SGCZ: variants seen among roughly 807,000 people sequenced by gnomAD.
SGCZ encodes the protein sarcoglycan zeta.
In SGCZ, 40 loss-of-function variants were observed where a neutral mutation model predicts 41.3. That is an observed-to-expected ratio of 0.97 (90% CI 0.75 to 1.26). The LOEUF is 1.26. Among genes scored for constraint, SGCZ ranks in the 50% most tolerant of loss-of-function variants. SGCZ has a pLI of 0.00. For missense variants in SGCZ, 552 were observed against 369.8 expected (o/e 1.49, Z -4.04); for synonymous variants, 206 against 137.5 (o/e 1.50, Z -3.49).
rs9918745 is a variant in SGCZ, at chr8:15,205,640, G to A, written c.39+31945C>T. On this transcript the variant is annotated intron_variant, in intron 1 of 7. Transcript: ENST00000382080. ...TGAGGCTGTGGAGAAAAGGGAACGC[G>A]TATACACTGATACACTGTTGGTGGG... 1.2e-4 allele frequency among the ~76,000 whole-genome samples: 18 copies of A among 152,076 alleles called. No homozygotes were observed. In the South Asian group the frequency reaches 1.2e-3, roughly 11 times the overall value.
At chr8:14,442,792 A>C (rs1246951704) in intron 2 of SGCZ, among the ~76,000 whole-genome samples, 1 of 152,168 alleles carries the variant, frequency 6.6e-6, no homozygotes, top group East Asian at 1.9e-4. Flanking sequence ...GCACAAACTA[A>C]ATTTGTTTTA....
chr8:14,553,666 C>A (rs825907), intron 2 of SGCZ, among the ~76,000 whole-genome samples: 151,802 of 152,106 alleles, frequency 1, 75,751 homozygotes, highest in Middle Eastern at 1. Flanking sequence ...ACATGGACGG[C>A]AGCTAGGGTC....
chr8:14,620,279 A>G (rs1354358504), intron 1 of SGCZ, among the ~76,000 whole-genome samples: 3 of 152,288 alleles, frequency 2.0e-5, no homozygotes, highest in East Asian at 3.9e-4. Context: ...ACCTTATACA[A>G]AAATTAATTC....
intron 3 of SGCZ, among the ~76,000 whole-genome samples, chr8:14,313,908 CTCTG>C (rs1205313769): frequency 6.8e-5 from 6 of 88,826 alleles, no homozygotes; most frequent in Middle Eastern, 6.0e-3. Flanking sequence ...TATATCATCT[CTCTG>C]TGTGTGTGTG....
chr8:14,522,118 G>A (rs935914007), intron 2 of SGCZ, among the ~76,000 whole-genome samples: 2 of 152,012 alleles, frequency 1.3e-5, no homozygotes, highest in Non-Finnish European at 2.9e-5. Flanking sequence ...AGAAACCTTA[G>A]TTGCTCATGG....
chr8:14,935,844 C>T (rs145940959), intron 1 of SGCZ, among the ~76,000 whole-genome samples: 2 of 151,626 alleles, frequency 1.3e-5, no homozygotes, highest in East Asian at 3.9e-4. Context: ...AGGGACCCTG[C>T]TAAATCAGAA....
intron 5 of SGCZ, among the ~76,000 whole-genome samples, chr8:14,119,003 C>T (rs1224068791): frequency 6.6e-6 from 1 of 152,132 alleles, no homozygotes; most frequent in African/African-American, 2.4e-5. Context: ...CATGATCCCT[C>T]CAGCTTTGTT....
At chr8:14,699,127 A>T (rs535543399) in intron 1 of SGCZ, among the ~76,000 whole-genome samples, 1 of 151,700 alleles carries the variant, frequency 6.6e-6, no homozygotes, top group East Asian at 1.9e-4. Flanking sequence ...ATTAAAGGAC[A>T]CTAAAACAGT....
At chr8:14,251,053 C>A (rs1799265987) in intron 3 of SGCZ, among the ~76,000 whole-genome samples, 1 of 152,082 alleles carries the variant, frequency 6.6e-6, no homozygotes, top group East Asian at 1.9e-4. Flanking sequence ...CATGGCGAAA[C>A]CCCGTCTCTA....
chr8:14,987,543 C>T (rs1327787189), intron 1 of SGCZ, among the ~76,000 whole-genome samples: 3 of 151,918 alleles, frequency 2.0e-5, no homozygotes, highest in African/African-American at 7.2e-5. Context: ...CCTGACTCTG[C>T]ACAGAAATCC....
chr8:14,676,370 A>G (rs866864850), intron 1 of SGCZ, among the ~76,000 whole-genome samples: 4 of 70,688 alleles, frequency 5.7e-5, no homozygotes, highest in East Asian at 8.9e-4. Context: ...GTGTGTGTGT[A>G]TCTCCAGCCC....
intron 1 of SGCZ, among the ~76,000 whole-genome samples, chr8:14,569,899 G>A (rs1447650354): frequency 6.6e-6 from 1 of 151,736 alleles, no homozygotes; most frequent in African/African-American, 2.4e-5. Flanking sequence ...AAATGCCAAA[G>A]TGAGGCCAAA....
At chr8:14,708,812 A>AGAGTGTGTGTGT (rs1554485097) in intron 1 of SGCZ, among the ~76,000 whole-genome samples, 1 of 148,584 alleles carries the variant, frequency 6.7e-6, no homozygotes, top group African/African-American at 2.5e-5. Context: ...GTTTTATTCG[A>AGAGTGTGTGTGT]GTGTGTGTGT....
intron 1 of SGCZ, among the ~76,000 whole-genome samples, chr8:15,043,244 G>A (rs1167786799): frequency 6.6e-6 from 1 of 152,010 alleles, no homozygotes; most frequent in South Asian, 2.1e-4. Flanking sequence ...AGTACAATGT[G>A]GAAACTTAAC....
At chr8:14,354,951 G>C (rs1585399376) in intron 2 of SGCZ, among the ~76,000 whole-genome samples, 1 of 151,958 alleles carries the variant, frequency 6.6e-6, no homozygotes, top group East Asian at 1.9e-4. Context: ...GTATTGCTAA[G>C]CAGTTTTCTT....
At chr8:14,188,924 C>T (rs1360545456) in intron 4 of SGCZ, among the ~76,000 whole-genome samples, 3 of 150,648 alleles carry the variant, frequency 2.0e-5, no homozygotes, top group Non-Finnish European at 4.4e-5. Context: ...CTCCATCACC[C>T]GGGTTCGAGC....
chr8:14,702,820 GA>G (rs1563212939), intron 1 of SGCZ, among the ~76,000 whole-genome samples: 780 of 12,896 alleles, frequency 0.06, 28 homozygotes, highest in South Asian at 0.1. Flanking sequence ...TAGGTAGATA[GA>G]TAGATAGATA....
chr8:14,534,749 A>G (rs1317677489), intron 2 of SGCZ, among the ~76,000 whole-genome samples: 1 of 151,998 alleles, frequency 6.6e-6, no homozygotes, highest in Non-Finnish European at 1.5e-5. Flanking sequence ...AAGAAAGTAC[A>G]ACTTTTATGT....
At chr8:14,975,204 G>C (rs1801424726) in intron 1 of SGCZ, among the ~76,000 whole-genome samples, 1 of 152,146 alleles carries the variant, frequency 6.6e-6, no homozygotes, top group Admixed American at 6.5e-5. Context: ...TACTTGGGAG[G>C]CTGAGGCAGG....
Sources: allele counts gnomAD v4.1 joint callset (sites outside exome capture counted in the v4.1 genomes callset), GRCh38; gene constraint gnomAD v4.1.1; transcripts MANE v1.5; gene names NCBI Gene and HGNC (gene_info 2026-07-23, HGNC 2026-07-21).